The following AATF variants were observed in gnomAD, a reference collection of about 807,000 sequenced individuals.
The protein encoded by AATF is protein AATF.
AATF carries 48 observed loss-of-function variants against 63.7 expected under a neutral mutation model. The observed-to-expected ratio is 0.75, with a 90% CI of 0.60 to 0.96. AATF has a LOEUF of 0.96. Ranked by LOEUF, AATF falls within the 40% of genes least tolerant of loss-of-function variation. The pLI is 0.00. For synonymous variants in AATF, 258 were observed against 247.7 expected, an observed-to-expected ratio of 1.04 and a Z score of -0.39; for missense variants, 639 against 685.7, an observed-to-expected ratio of 0.93 and a Z score of 0.76.
intron 8 of AATF, among the ~76,000 whole-genome samples, chr17:37,009,823 CAAAAAAAAAAAAAA>C (rs1160362372): frequency 3.5e-4 from 10 of 28,778 alleles, no homozygotes; most frequent in African/African-American, 8.1e-4. Context: ...GACTCCGTCT[CAAAAAAAAAAAAAA>C]AAAAAAAAAA....
intron 7 of AATF, 124 bp downstream of exon 7, chr17:36,989,535 T>G: frequency 5.0e-6 from 5 of 1,001,452 alleles, no homozygotes; most frequent in Non-Finnish European, 6.8e-6. Context: ...GCAACACTAC[T>G]TTACTGGATT....
intron 11 of AATF, among the ~76,000 whole-genome samples, chr17:37,049,021 C>T (rs1157353232): frequency 1.3e-5 from 2 of 152,060 alleles, no homozygotes; most frequent in African/African-American, 4.8e-5. Flanking sequence ...ATGACGATGC[C>T]ATTTATGCAA....
At chr17:36,989,817 G>A (rs767308535) in intron 7 of AATF, among the ~76,000 whole-genome samples, 20 of 152,088 alleles carry the variant, frequency 1.3e-4, no homozygotes, top group Non-Finnish European at 2.9e-4. Context: ...TTGTTTAAAG[G>A]AAACATTTAA....
intron 4 of AATF, among the ~76,000 whole-genome samples, chr17:36,985,394 T>C (rs2071160264): frequency 6.7e-6 from 1 of 149,134 alleles, no homozygotes. Flanking sequence ...TCAGGGCCCC[T>C]CCACCAAGTA....
chr17:36,990,476 G>C (rs2071204959), intron 7 of AATF, among the ~76,000 whole-genome samples: 2 of 152,122 alleles, frequency 1.3e-5, no homozygotes, highest in African/African-American at 4.8e-5. Context: ...CTCCAAAAAG[G>C]CTGCATTAAT....
chr17:36,971,201 G>A (rs927700131), intron 4 of AATF, among the ~76,000 whole-genome samples: 6 of 151,986 alleles, frequency 3.9e-5, no homozygotes, highest in Non-Finnish European at 7.4e-5. Flanking sequence ...TGTCCAGAGT[G>A]TATAAAGAAC....
At chr17:36,958,758 A>T (rs1483222915) in intron 4 of AATF, among the ~76,000 whole-genome samples, 1 of 152,190 alleles carries the variant, frequency 6.6e-6, no homozygotes, top group South Asian at 2.1e-4. Context: ...ACATTCTCTC[A>T]TCAGTAAAAT....
intron 3 of AATF, 105 bp from the exon 4 acceptor site, chr17:36,953,665 T>C: frequency 9.5e-7 from 1 of 1,056,966 alleles, no homozygotes; most frequent in Non-Finnish European, 1.4e-6. Context: ...GCTAAAGCTG[T>C]GGTGCTTAGA....
intron 10 of AATF, among the ~76,000 whole-genome samples, chr17:37,021,694 A>G (rs1466287889): frequency 7.8e-6 from 1 of 127,692 alleles, no homozygotes; most frequent in Non-Finnish European, 1.6e-5. Context: ...AGTCCCAGCT[A>G]CTCGGGAGGC....
chr17:36,949,770 G>A (rs9892334), intron 1 of AATF, among the ~76,000 whole-genome samples: 38,487 of 152,166 alleles, frequency 0.25, 11,611 homozygotes, highest in African/African-American at 0.73. Flanking sequence ...GACTTGAGTC[G>A]GAAGTGTGAG....
chr17:37,040,681 T>TCCCCCCCCCC (rs1555654506), intron 11 of AATF, among the ~76,000 whole-genome samples: 31 of 143,636 alleles, frequency 2.2e-4, no homozygotes, highest in Non-Finnish European at 2.6e-4. Context: ...AAGGCCCCCA[T>TCCCCCCCCCC]CCCCACCCCT....
chr17:36,952,796 C>G (rs1460706916), intron 2 of AATF, 90 bp from the exon 3 acceptor site: 1 of 1,507,272 alleles, frequency 6.6e-7, no homozygotes, highest in South Asian at 1.4e-5. Context: ...CCCCCTGATG[C>G]CACAGTGCTT....
At chr17:36,974,050 C>A (rs2071060911) in intron 4 of AATF, among the ~76,000 whole-genome samples, 1 of 142,648 alleles carries the variant, frequency 7.0e-6, no homozygotes. Flanking sequence ...GCCTGGGCGA[C>A]AGAGCGAGAG....
At chr17:37,036,753 C>G (rs17621169) in intron 11 of AATF, among the ~76,000 whole-genome samples, 1 of 152,074 alleles carries the variant, frequency 6.6e-6, no homozygotes, top group Non-Finnish European at 1.5e-5. Context: ...TTATGCAACC[C>G]CTGATACTTT....
At chr17:36,987,997 A>G (rs934390977) in intron 5 of AATF, among the ~76,000 whole-genome samples, 1 of 152,184 alleles carries the variant, frequency 6.6e-6, no homozygotes, top group Non-Finnish European at 1.5e-5. Context: ...TTTTGAAACT[A>G]GTTCTTTTTA....
chr17:37,028,454 C>CA (rs1388724950), intron 10 of AATF, among the ~76,000 whole-genome samples: 2 of 151,742 alleles, frequency 1.3e-5, no homozygotes, highest in African/African-American at 4.8e-5. Flanking sequence ...ACATCACCAA[C>CA]AAAAAAACAA....
At chr17:36,977,952 A>G (rs1177126723) in intron 4 of AATF, among the ~76,000 whole-genome samples, 1 of 152,180 alleles carries the variant, frequency 6.6e-6, no homozygotes, top group Non-Finnish European at 1.5e-5. Flanking sequence ...GGATTTATTG[A>G]CATACTTCAT....
chr17:36,981,329 C>T (rs2071121759), intron 4 of AATF, among the ~76,000 whole-genome samples: 1 of 152,086 alleles, frequency 6.6e-6, no homozygotes, highest in Non-Finnish European at 1.5e-5. Flanking sequence ...ATAATATAGA[C>T]TGCTTTGCAG....
At chr17:36,953,443 C>T in intron 3 of AATF, 147 bp downstream of exon 3, 1 of 1,392,466 alleles carries the variant, frequency 7.2e-7, no homozygotes, top group Non-Finnish European at 9.5e-7. Context: ...GCCTAAAGCC[C>T]TATTCCTGTA....
Sources: gnomAD v4.1 joint callset for allele counts (sites outside exome capture counted in the v4.1 genomes callset) on GRCh38, gnomAD v4.1.1 for gene constraint, MANE v1.5 for transcripts, NCBI Gene and HGNC (gene_info 2026-07-23, HGNC 2026-07-21) for gene names.